Variants in SUCLA2 observed in about 807,000 individuals in gnomAD.
SUCLA2 encodes the protein succinate-CoA ligase ADP-forming subunit beta.
In SUCLA2, 30 loss-of-function variants were observed where a neutral mutation model predicts 54.8. The observed-to-expected ratio is 0.55, with a 90% CI of 0.41 to 0.74. SUCLA2 has a LOEUF of 0.74. SUCLA2 is among the 30% of genes least tolerant of loss of function. The pLI, the probability that SUCLA2 is intolerant of heterozygous loss-of-function variation, is 0.00. For missense variants in SUCLA2, 476 were observed against 562.9 expected, an observed-to-expected ratio of 0.85 and a Z score of 1.56; for synonymous variants, 172 against 188.9, an observed-to-expected ratio of 0.91 and a Z score of 0.74.
chr13:48,001,185 C>T lies in SUCLA2; in HGVS notation c.85G>A (p.Ala29Thr). The change falls in exon 1 of 11, where the codon GCT becomes ACT. Residue 29 changes from alanine (A) to threonine (T), a missense_variant. Coordinates refer to ENST00000646932, the MANE Select transcript of SUCLA2 (RefSeq NM_003850.3). ...AGCGGACTGGAAGGCATTACCTGAG[C>T]AGCAGCCCGCTGGGCCGTCCGAGGC... ...HRPRTAQRAAAQVLGSSGLFN... is the reference protein window; with the variant it reads ...HRPRTAQRAATQVLGSSGLFN... 3 of 1,609,084 alleles carry T rather than the reference C, an allele frequency of 1.9e-6. No homozygotes were observed. The highest frequency in any genetic ancestry group is 2.5e-6 in the Non-Finnish European group (3 of 1,178,350).
chr13:47,942,911 T>A lies in SUCLA2; in HGVS notation c.*460A>T, dbSNP rs1313368527. ...CTGTTTATAAATAGTGATTGATACA[T>A]TTATCATGTATTTGGTGCTGAAGAT... On this transcript the variant is annotated 3_prime_UTR_variant, in exon 11 of 11. Transcript: ENST00000646932. 6.1e-6 allele frequency: 1 copy of A among 163,350 alleles called. No individual in the cohort carries two copies. Among genetic ancestry groups the A allele is most frequent in the African/African-American group, 2.4e-5 (1 of 41,528 alleles). The allele number at this position is 163,350 out of a possible 1,614,324, so 10.1% of individuals were successfully genotyped here.
rs903707416 is a variant in SUCLA2, at chr13:47,988,764, A to C, written c.372-61T>G. 8.1e-6 allele frequency: 13 copies of C among 1,604,754 alleles called. No individual in the cohort carries two copies. In the South Asian group the frequency reaches 1.3e-4, roughly 16 times the overall value. On this transcript the variant is annotated intron_variant, in intron 3 of 10. Coordinates refer to ENST00000646932, the MANE Select transcript of SUCLA2 (RefSeq NM_003850.3). ...TCCAGTTGAGAAAAAGCAAATCCAC[A>C]TAATAGCCAAAATTTTATCTCATCT...
Position 48,001,163 on chromosome 13 carries a change from G to A in SUCLA2, c.90+17C>T, listed in dbSNP as rs773993642. 4 of 1,603,504 alleles carry A rather than the reference G, an allele frequency of 2.5e-6. No individual in the cohort carries two copies. The highest frequency in any genetic ancestry group is 3.4e-6 in the Non-Finnish European group (4 of 1,175,530). On this transcript the variant is annotated intron_variant, in intron 1 of 10. Transcript: ENST00000646932. ...TCCTGCCGACCCTCGAGACGACAGC[G>A]GACTGGAAGGCATTACCTGAGCAGC...
At chr13:47,946,366 T>C (rs919954308) in intron 10 of SUCLA2, among the ~76,000 whole-genome samples, 1 of 152,010 alleles carries the variant, frequency 6.6e-6, no homozygotes, top group African/African-American at 2.4e-5. Context: ...CACATACATA[T>C]AGTTATATAC....
chr13:47,999,360 T>C lies in SUCLA2; in HGVS notation c.90+1820A>G, dbSNP rs533733984. Among the ~76,000 whole-genome samples, 8 of 152,242 alleles carry C rather than the reference T, an allele frequency of 5.3e-5. No homozygotes were observed. In the South Asian group the frequency reaches 1.7e-3, roughly 32 times the overall value. On this transcript the variant is annotated intron_variant, in intron 1 of 10. Transcript: ENST00000646932. ...CTGAAATATCTATTTTCAACGAAGG[T>C]ACACTAGGCTAAAGATACCAAGAAA...
intron 1 of SUCLA2, among the ~76,000 whole-genome samples, chr13:47,998,385 C>T (rs1371452935): frequency 2.0e-5 from 3 of 151,412 alleles, no homozygotes; most frequent in Non-Finnish European, 2.9e-5. Context: ...AAATCCCATT[C>T]CTGGGTATGT....
At chr13:47,960,856 G>A (rs902302301) in intron 6 of SUCLA2, among the ~76,000 whole-genome samples, 1 of 152,128 alleles carries the variant, frequency 6.6e-6, no homozygotes, top group African/African-American at 2.4e-5. Context: ...TGAGACACAG[G>A]GCCAGAAGTT....
chr13:47,988,447 T>TAA (rs1950122352), intron 4 of SUCLA2, 94 bp downstream of exon 4: 3 of 1,434,920 alleles, frequency 2.1e-6, no homozygotes, highest in Non-Finnish European at 2.9e-6. Flanking sequence ...TTTGTACTTT[T>TAA]AAAATCTTTC....
Position 47,972,909 on chromosome 13 carries a change from G to A in SUCLA2, c.663+355C>T, listed in dbSNP as rs201065136. On this transcript the variant is annotated intron_variant, in intron 5 of 10. Coordinates refer to ENST00000646932, the MANE Select transcript of SUCLA2 (RefSeq NM_003850.3). ...ACTACAGGCACGCACCACCATGCCCGGCTAATTTTTTTTGTATTTTTAGTA... is the reference window on the plus strand; with the variant it reads ...ACTACAGGCACGCACCACCATGCCCAGCTAATTTTTTTTGTATTTTTAGTA... Among the ~76,000 whole-genome samples the A allele has an allele frequency of 6.7e-5, 10 of 148,584 alleles. No individual in the cohort carries two copies. The East Asian group carries it at 1.5e-3, about 22-fold the overall frequency.
intron 6 of SUCLA2, among the ~76,000 whole-genome samples, chr13:47,958,588 A>T (rs764052905): frequency 6.6e-6 from 1 of 152,200 alleles, no homozygotes; most frequent in African/African-American, 2.4e-5. Flanking sequence ...CCTGGATTTT[A>T]TATTTGTCTC....
At chr13:47,974,717 AAATC>A (rs1949995285) in intron 4 of SUCLA2, among the ~76,000 whole-genome samples, 1 of 152,256 alleles carries the variant, frequency 6.6e-6, no homozygotes, top group South Asian at 2.1e-4. Context: ...AAGGCCTTGA[AAATC>A]AATCAAGAAA....
chr13:47,998,874 C>T (rs1017676841), intron 1 of SUCLA2, among the ~76,000 whole-genome samples: 6 of 152,164 alleles, frequency 3.9e-5, no homozygotes, highest in African/African-American at 1.4e-4. Context: ...TTAAGCTGTA[C>T]ATCTTACTGT....
At chr13:47,961,632 T>C (rs1464654345) in intron 6 of SUCLA2, among the ~76,000 whole-genome samples, 2 of 152,222 alleles carry the variant, frequency 1.3e-5, no homozygotes, top group Non-Finnish European at 2.9e-5. Flanking sequence ...TGAGGTAGTA[T>C]TTAACTGTCT....
chr13:47,964,571 C>T (rs1036390962), intron 6 of SUCLA2, among the ~76,000 whole-genome samples: 10 of 152,158 alleles, frequency 6.6e-5, no homozygotes, highest in African/African-American at 2.4e-4. Flanking sequence ...AAGATGTCAT[C>T]ATTGGGCCAG....
chr13:47,983,798 T>C lies in SUCLA2; in HGVS notation c.534+4743A>G, dbSNP rs111919956. On this transcript the variant is annotated intron_variant, in intron 4 of 10. Coordinates refer to ENST00000646932, the MANE Select transcript of SUCLA2 (RefSeq NM_003850.3). The stretch of plus-strand genomic sequence containing the variant: ...GCCACCGCACCCAGCCTCTTTTCAT[T>C]TTAGTTTTACTCTCTTTTTATACCA... 7.0e-3 allele frequency among the ~76,000 whole-genome samples: 1,061 copies of C among 152,194 alleles called. 4 individuals carry two copies. The highest frequency in any genetic ancestry group is 0.01 in the Non-Finnish European group (698 of 68,006).
intron 10 of SUCLA2, among the ~76,000 whole-genome samples, chr13:47,944,890 A>T (rs1949717171): frequency 6.6e-6 from 1 of 152,112 alleles, no homozygotes; most frequent in African/African-American, 2.4e-5. Flanking sequence ...TGGAAGGCCG[A>T]GGTGGGAGGA....
At chr13:47,967,193 T>C (rs930160182) in intron 6 of SUCLA2, among the ~76,000 whole-genome samples, 2 of 152,148 alleles carry the variant, frequency 1.3e-5, no homozygotes, top group Non-Finnish European at 2.9e-5. Context: ...TTTCTAAATG[T>C]TGGGTAGCCC....
In SUCLA2 at chr13:47,943,460, C is replaced by G; in HGVS notation, c.1318-15G>C. 1 of 1,613,182 alleles carries G rather than the reference C, an allele frequency of 6.2e-7. No homozygotes were observed. The highest frequency in any genetic ancestry group is 8.5e-7 in the Non-Finnish European group (1 of 1,179,404). ...AGCTTTACAACCTAAAAGAAAAGAA[C>G]GAAGAATTTTCACAAAAAGGTAAAT... On this transcript the variant is annotated splice_polypyrimidine_tract_variant and intron_variant, in intron 10 of 10. Coordinates refer to ENST00000646932, the MANE Select transcript of SUCLA2 (RefSeq NM_003850.3).
In SUCLA2 at chr13:47,997,684, G is replaced by C. The variant is rs575154685; in HGVS notation, c.91-661C>G. Among the ~76,000 whole-genome samples the C allele has an allele frequency of 2.6e-5, 4 of 152,272 alleles. No homozygotes were observed. The East Asian group carries it at 7.7e-4, about 29-fold the overall frequency. The stretch of plus-strand genomic sequence containing the variant: ...GCCTGCACCCAATGACTGGTCAATG[G>C]AATCACACATTTAAATGTTATCCAC... On this transcript the variant is annotated intron_variant, in intron 1 of 10. Transcript: ENST00000646932.
Sources: allele counts gnomAD v4.1 joint callset (sites outside exome capture counted in the v4.1 genomes callset), GRCh38; gene constraint gnomAD v4.1.1; transcripts MANE v1.5; gene names NCBI Gene and HGNC (gene_info 2026-07-23, HGNC 2026-07-21).